The following BTBD9 variants were observed in gnomAD, a reference collection of about 807,000 sequenced individuals.
The protein encoded by BTBD9 is BTB domain containing 9, also known as BTB/POZ domain-containing protein 9.
BTBD9 carries 49 observed loss-of-function variants against 64.3 expected under a neutral mutation model. The ratio of observed to expected loss-of-function variants is 0.76; its 90% confidence interval spans 0.61 to 0.97. The LOEUF is 0.97. BTBD9 is among the 50% of genes least tolerant of loss of function. The pLI is 0.00. For missense variants in BTBD9, 598 were observed against 762.1 expected, an observed-to-expected ratio of 0.78 and a Z score of 2.53; for synonymous variants, 260 against 274.7, an observed-to-expected ratio of 0.95 and a Z score of 0.53.
At chr6:38,276,662 T>C (rs763598781) in intron 8 of BTBD9, among the ~76,000 whole-genome samples, 2 of 152,152 alleles carry the variant, frequency 1.3e-5, no homozygotes, top group Non-Finnish European at 2.9e-5. Context: ...CTCATTATAC[T>C]CCTAACAAAA....
intron 6 of BTBD9, among the ~76,000 whole-genome samples, chr6:38,511,339 C>G (rs916866757): frequency 7.6e-6 from 1 of 132,428 alleles, no homozygotes; most frequent in Non-Finnish European, 1.6e-5. Flanking sequence ...TTTGGAAATG[C>G]CTTTTTTTTT....
At chr6:38,364,036 A>G (rs1199915974) in intron 6 of BTBD9, among the ~76,000 whole-genome samples, 1 of 152,150 alleles carries the variant, frequency 6.6e-6, no homozygotes, top group Non-Finnish European at 1.5e-5. Context: ...CAGGTAAAAG[A>G]TGGAAGGCCC....
At chr6:38,525,086 GAT>G (rs1230080812) in intron 6 of BTBD9, among the ~76,000 whole-genome samples, 1 of 152,144 alleles carries the variant, frequency 6.6e-6, no homozygotes, top group Non-Finnish European at 1.5e-5. Flanking sequence ...GATCAGCACT[GAT>G]ATGGTTTGGC....
chr6:38,504,516 A>T (rs1157269706), intron 6 of BTBD9: 5 of 456,604 alleles, frequency 1.1e-5, no homozygotes, highest in Admixed American at 9.4e-5. Context: ...TTGCACTGTC[A>T]CTGTCAGTTA....
chr6:38,296,950 C>A (rs542413736), intron 7 of BTBD9, among the ~76,000 whole-genome samples: 13 of 152,212 alleles, frequency 8.5e-5, no homozygotes, highest in Middle Eastern at 6.8e-3. Context: ...TTATGTGTGC[C>A]TCAAAAGAAT....
chr6:38,282,754 C>G (rs1409935033), intron 8 of BTBD9, among the ~76,000 whole-genome samples: 1 of 152,206 alleles, frequency 6.6e-6, no homozygotes, highest in Non-Finnish European at 1.5e-5. Flanking sequence ...CCCCAGAGGA[C>G]TTACTGTCTC....
At chr6:38,628,885 AGGGAAGG>A (rs1778267204) in intron 1 of BTBD9, among the ~76,000 whole-genome samples, 1 of 152,200 alleles carries the variant, frequency 6.6e-6, no homozygotes, top group Non-Finnish European at 1.5e-5. Context: ...AGCTGATTCC[AGGGAAGG>A]GGTAGGGAAA....
intron 6 of BTBD9, among the ~76,000 whole-genome samples, chr6:38,489,209 T>A (rs1771590036): frequency 6.6e-6 from 1 of 152,148 alleles, no homozygotes; most frequent in Non-Finnish European, 1.5e-5. Flanking sequence ...ACAGCTTTTT[T>A]AAAAATGCAG....
At chr6:38,541,504 C>A (rs1774271795) in intron 6 of BTBD9, among the ~76,000 whole-genome samples, 1 of 152,052 alleles carries the variant, frequency 6.6e-6, no homozygotes, top group Admixed American at 6.6e-5. Context: ...TTTGGGAGGC[C>A]GAGGCAGGCG....
chr6:38,208,438 TGAGA>T (rs1230823147), intron 9 of BTBD9, among the ~76,000 whole-genome samples: 1 of 151,530 alleles, frequency 6.6e-6, no homozygotes, highest in Non-Finnish European at 1.5e-5. Context: ...ACTGGGGATA[TGAGA>T]GAGAGAGCAT....
At chr6:38,556,538 TGTGTGTGTGTGTGAGA>T (rs1181765974) in intron 6 of BTBD9, among the ~76,000 whole-genome samples, 2 of 54,134 alleles carry the variant, frequency 3.7e-5, no homozygotes, top group African/African-American at 2.5e-4. Context: ...TGTGTGTGTG[TGTGTGTGTGTGTGAGA>T]GAGAGAGAGA....
Position 38,361,726 on chromosome 6 carries a change from G to T in BTBD9, c.1155-16633C>A, listed in dbSNP as rs568205289. On this transcript the variant is annotated intron_variant, in intron 6 of 10. Transcript: ENST00000481247. ...GTGGTGGTGCAGGCCTGTAATCCCA[G>T]CTACCCAAGAGGCTGAGGCAAGAGA... Among the ~76,000 whole-genome samples, 30 of 152,182 alleles carry T rather than the reference G, an allele frequency of 2.0e-4. No individual in the cohort carries two copies. The South Asian group carries it at 5.6e-3, about 28-fold the overall frequency.
intron 8 of BTBD9, among the ~76,000 whole-genome samples, chr6:38,284,379 C>T (rs1044723912): frequency 1.3e-5 from 2 of 152,122 alleles, no homozygotes; most frequent in African/African-American, 4.8e-5. Context: ...TGTCTTAAGC[C>T]CCAGTGACAG....
chr6:38,189,369 T>C (rs953338121), intron 10 of BTBD9, among the ~76,000 whole-genome samples: 1 of 152,226 alleles, frequency 6.6e-6, no homozygotes, highest in Admixed American at 6.5e-5. Context: ...ATTTCCATTG[T>C]TCTCTAAGAT....
intron 6 of BTBD9, among the ~76,000 whole-genome samples, chr6:38,360,508 T>C (rs901962103): frequency 6.6e-6 from 1 of 152,162 alleles, no homozygotes; most frequent in Non-Finnish European, 1.5e-5. Context: ...TTCTGTTATA[T>C]AAATTCCACA....
chr6:38,565,043 C>T (rs1361025926), intron 6 of BTBD9, among the ~76,000 whole-genome samples: 1 of 152,074 alleles, frequency 6.6e-6, no homozygotes, highest in Non-Finnish European at 1.5e-5. Context: ...TATGTCATTC[C>T]ATTTCCTAGC....
chr6:38,419,887 A>C (rs1767829724), intron 6 of BTBD9, among the ~76,000 whole-genome samples: 1 of 152,196 alleles, frequency 6.6e-6, no homozygotes, highest in African/African-American at 2.4e-5. Flanking sequence ...AACAAAAAAA[A>C]TACTAAGGGA....
intron 9 of BTBD9, among the ~76,000 whole-genome samples, chr6:38,239,500 G>T (rs1026846668): frequency 2.0e-5 from 3 of 147,916 alleles, no homozygotes; most frequent in African/African-American, 7.5e-5. Context: ...AATAACCTGA[G>T]ACATGGCAGT....
At position 38,175,177 on chromosome 6, in the gene BTBD9, G is replaced by T. The variant is rs2127468854; in HGVS notation, c.1647C>A (p.Phe549Leu). 6.2e-7 allele frequency: 1 copy of T among 1,614,148 alleles called. No homozygotes were observed. The highest frequency in any genetic ancestry group is 1.1e-5 in the South Asian group (1 of 91,076). The change falls in exon 11 of 11, where the codon TTC (phenylalanine) becomes TTA (leucine). Residue 549 changes from phenylalanine to leucine, a missense_variant. By Grantham distance (22) the Phe-to-Leu change is conservative. Coordinates refer to ENST00000481247, the MANE Select transcript of BTBD9 (RefSeq NM_001099272.2). ...CTGGACACTCAAAGTGGACACAGTGGAACACCTGGGAGAGAAAAGGAAAAG... is the reference window on the plus strand; with the variant it reads ...CTGGACACTCAAAGTGGACACAGTGTAACACCTGGGAGAGAAAAGGAAAAG... ...VGTHNTANEVFHCVHFECPEQ... is the reference protein window; with the variant it reads ...VGTHNTANEVLHCVHFECPEQ...
Sources: allele counts gnomAD v4.1 joint callset (sites outside exome capture counted in the v4.1 genomes callset), GRCh38; gene constraint gnomAD v4.1.1; transcripts MANE v1.5; gene names NCBI Gene and HGNC (gene_info 2026-07-23, HGNC 2026-07-21).